Variants in AMBP observed in about 807,000 individuals in gnomAD.
AMBP encodes alpha-1-microglobulin/bikunin precursor, also known as protein AMBP.
Under a neutral mutation model 46.3 loss-of-function variants are expected in AMBP, and 37 were observed. The observed-to-expected ratio is 0.80, with a 90% CI of 0.61 to 1.05. The LOEUF (loss-of-function observed/expected upper bound fraction) is 1.05, where lower values mean the gene tolerates loss of function less well. Among genes scored for constraint, AMBP ranks in the 50% least tolerant of loss-of-function variants. AMBP has a pLI of 0.00. For missense variants in AMBP, 475 were observed against 461.2 expected, an observed-to-expected ratio of 1.03 and a Z score of -0.27; for synonymous variants, 174 against 175.9, an observed-to-expected ratio of 0.99 and a Z score of 0.09.
At position 114,060,191 on chromosome 9, in the gene AMBP, C is replaced by A. The variant is rs771662125; in HGVS notation, c.*48G>T. The A allele has an allele frequency of 6.9e-6, 11 of 1,596,468 alleles. No individual in the cohort carries two copies. The highest frequency in any genetic ancestry group is 1.7e-4 in the Middle Eastern group (1 of 5,738). Reference sequence around the variant, plus strand: ...TTGCTTGGCGCTGCCTGCCACAGGACCCCGGGACAGACACTGGCCATCCTC... The same window carrying A: ...TTGCTTGGCGCTGCCTGCCACAGGAACCCGGGACAGACACTGGCCATCCTC... On this transcript the variant is annotated 3_prime_UTR_variant, in exon 10 of 10. Transcript: ENST00000265132.
chr9:114,078,032 G>T, intron 1 of AMBP, 61 bp downstream of exon 1: 3 of 1,545,140 alleles, frequency 1.9e-6, no homozygotes, highest in East Asian at 2.3e-5. Context: ...GCCCAGCAGG[G>T]CCCATCTGCC....
chr9:114,061,920 A>G (rs368063533), intron 7 of AMBP, among the ~76,000 whole-genome samples: 9 of 152,006 alleles, frequency 5.9e-5, no homozygotes, highest in African/African-American at 2.2e-4. Flanking sequence ...ACCAGCACCC[A>G]CACTGGCCAG....
chr9:114,073,439 G>A (rs1056685879), intron 4 of AMBP, among the ~76,000 whole-genome samples: 16 of 150,382 alleles, frequency 1.1e-4, no homozygotes, highest in Non-Finnish European at 2.2e-4. Flanking sequence ...GTAGAGACGG[G>A]GTTTCACCAT....
At chr9:114,062,815 C>T (rs1846655901) in intron 6 of AMBP, 57 bp from the exon 7 acceptor site, 13 of 1,520,316 alleles carry the variant, frequency 8.6e-6, no homozygotes, top group Non-Finnish European at 1.2e-5. Context: ...TATTGCTTTC[C>T]TGTACCCCTG....
intron 6 of AMBP, among the ~76,000 whole-genome samples, chr9:114,067,800 G>A (rs1022244956): frequency 2.6e-5 from 4 of 152,012 alleles, no homozygotes; most frequent in African/African-American, 9.7e-5. Context: ...AAGCAAAATG[G>A]CATCAAATAT....
intron 6 of AMBP, among the ~76,000 whole-genome samples, chr9:114,064,662 C>CAA (rs5900068): frequency 0.021 from 3,084 of 146,902 alleles, 49 homozygotes; most frequent in East Asian, 0.076. Flanking sequence ...TAACATTTAG[C>CAA]AAAAAAAAAA....
chr9:114,064,487 A>G (rs949421370), intron 6 of AMBP, among the ~76,000 whole-genome samples: 9 of 152,238 alleles, frequency 5.9e-5, no homozygotes, highest in African/African-American at 1.4e-4. Context: ...AAGGATGAAC[A>G]TGGTGAGAAA....
Position 114,076,764 on chromosome 9 carries a change from G to T in AMBP, c.118-24C>A, listed in dbSNP as rs747228485. On this transcript the variant is annotated intron_variant, in intron 1 of 9. Transcript: ENST00000265132. ...ATCTAGGAGGCAGGTGAGCTCTGGGGGTCTGCATCAGTCTCAGACCTCAAA... is the reference window on the plus strand; with the variant it reads ...ATCTAGGAGGCAGGTGAGCTCTGGGTGTCTGCATCAGTCTCAGACCTCAAA... The T allele has an allele frequency of 3.3e-5, 53 of 1,612,026 alleles. No homozygotes were observed. In the East Asian group the frequency reaches 1.2e-3, roughly 36 times the overall value.
At chr9:114,078,016 G>A (rs1046718771) in intron 1 of AMBP, 77 bp downstream of exon 1, 4 of 1,432,862 alleles carry the variant, frequency 2.8e-6, no homozygotes, top group African/African-American at 1.4e-5. Context: ...GAGACAGGCC[G>A]CACTTGCCCA....
At chr9:114,060,298 G>C in intron 9 of AMBP, 28 bp from the exon 10 acceptor site, 1 of 1,611,762 alleles carries the variant, frequency 6.2e-7, no homozygotes, top group Non-Finnish European at 8.5e-7. Context: ...CTCAGGGAGG[G>C]GTCCGTAGGC....
chr9:114,073,463 G>C (rs929052664), intron 4 of AMBP, among the ~76,000 whole-genome samples: 32 of 76,990 alleles, frequency 4.2e-4, no homozygotes, highest in Middle Eastern at 5.7e-3. Context: ...AGCCAGGATG[G>C]TCTCAATAGC....
Position 114,074,057 on chromosome 9 carries a change from T to C in AMBP, c.433A>G (p.Thr145Ala), listed in dbSNP as rs758219257. ...TKKFSRHHGPTITAKLYGRAP... is the reference protein window; with the variant it reads ...TKKFSRHHGPAITAKLYGRAP... ...TTACCGTAGAGCTTGGCAGTAATGGTGGGTCCATGATGGCGGCTGAATTTC... is the reference window on the plus strand; with the variant it reads ...TTACCGTAGAGCTTGGCAGTAATGGCGGGTCCATGATGGCGGCTGAATTTC... The change falls in exon 4 of 10, where the codon ACC becomes GCC. Residue 145 changes from threonine (T) to alanine (A), a missense_variant. Physicochemically the swap from Thr to Ala is moderately conservative, Grantham distance 58. Coordinates refer to ENST00000265132, the MANE Select transcript of AMBP (RefSeq NM_001633.4). 3 of 1,613,982 alleles carry C rather than the reference T, an allele frequency of 1.9e-6. No homozygotes were observed. The highest frequency in any genetic ancestry group is 1.7e-6 in the Non-Finnish European group (2 of 1,180,010).
chr9:114,065,064 T>C (rs911045837), intron 6 of AMBP, among the ~76,000 whole-genome samples: 2 of 152,128 alleles, frequency 1.3e-5, no homozygotes, highest in Admixed American at 6.6e-5. Flanking sequence ...GTAGGATGGA[T>C]TATATCACAC....
Position 114,065,053 on chromosome 9 carries a change from C to T in AMBP, c.604-2295G>A, listed in dbSNP as rs113007873. Among the ~76,000 whole-genome samples, 280 of 152,212 alleles carry T rather than the reference C, an allele frequency of 1.8e-3. 1 individual carries two copies. Among genetic ancestry groups the T allele is most frequent in the African/African-American group, 6.3e-3 (261 of 41,522 alleles). On this transcript the variant is annotated intron_variant, in intron 6 of 9. Coordinates refer to ENST00000265132, the MANE Select transcript of AMBP (RefSeq NM_001633.4). Reference sequence around the variant, plus strand: ...AATTGAGTGCTCCAGGACATGTTGTCGTAGGATGGATTATATCACACCAGC... The same window carrying T: ...AATTGAGTGCTCCAGGACATGTTGTTGTAGGATGGATTATATCACACCAGC...
At chr9:114,071,461 G>A (rs1846743911) in intron 5 of AMBP, among the ~76,000 whole-genome samples, 2 of 152,260 alleles carry the variant, frequency 1.3e-5, no homozygotes, top group South Asian at 2.1e-4. Context: ...ATGGCAGCCT[G>A]ACACTGGCCT....
chr9:114,062,854 G>A (rs1486844162), intron 6 of AMBP, 96 bp from the exon 7 acceptor site: 3 of 1,254,616 alleles, frequency 2.4e-6, no homozygotes, highest in Middle Eastern at 1.9e-4. Context: ...CTTGCTTTGG[G>A]AATCAGGGTA....
chr9:114,070,717 G>T (rs1846736069), intron 5 of AMBP, among the ~76,000 whole-genome samples: 1 of 152,150 alleles, frequency 6.6e-6, no homozygotes, highest in Non-Finnish European at 1.5e-5. Flanking sequence ...CCGCTTCAGG[G>T]ACCCAGCCAG....
rs1410291307 is a variant in AMBP, at chr9:114,074,973, G to C, written c.324C>G (p.Leu108=). ...CACTCCACTTACTGGATTTGTGATA[G>C]AGAAACTTCCCATCAGTATCTGTTT... ...YEKTDTDGKF[L]YHKSKWNITM... Residue 108 remains leucine (L), a synonymous_variant, in exon 3 of 10, where the codon CTC becomes CTG. Transcript: ENST00000265132. 8 of 1,613,922 alleles carry C rather than the reference G, an allele frequency of 5.0e-6. No individual in the cohort carries two copies. The highest frequency in any genetic ancestry group is 6.8e-6 in the Non-Finnish European group (8 of 1,179,938).
intron 6 of AMBP, among the ~76,000 whole-genome samples, chr9:114,068,849 T>C (rs913040390): frequency 1.3e-5 from 2 of 149,336 alleles, no homozygotes; most frequent in African/African-American, 2.5e-5. Flanking sequence ...CTTACCTTTA[T>C]ACTTTTCTGT....
Sources: gnomAD v4.1 joint callset for allele counts (sites outside exome capture counted in the v4.1 genomes callset) on GRCh38, gnomAD v4.1.1 for gene constraint, MANE v1.5 for transcripts, NCBI Gene and HGNC (gene_info 2026-07-23, HGNC 2026-07-21) for gene names.